Variants in USP6NL observed in about 807,000 individuals in gnomAD.
USP6NL encodes the protein USP6 N-terminal-like protein.
USP6NL carries 26 observed loss-of-function variants against 61.9 expected under a neutral mutation model. The ratio of observed to expected loss-of-function variants is 0.42; its 90% CI spans 0.31 to 0.58. The LOEUF (loss-of-function observed/expected upper bound fraction) is 0.58. Ranked by LOEUF, USP6NL falls within the 20% of genes least tolerant of loss-of-function variation. USP6NL has a pLI of 0.16. For missense variants in USP6NL, 1,114 were observed against 1,034.3 expected, an observed-to-expected ratio of 1.08 and a Z score of -1.06; for synonymous variants, 432 against 390.1, an observed-to-expected ratio of 1.11 and a Z score of -1.27.
In USP6NL at chr10:11,518,721, AATG is replaced by A. The variant is rs1257228262; in HGVS notation, c.156-150_156-148del. 5 of 634,124 alleles carry A rather than the reference AATG, an allele frequency of 7.9e-6. No homozygotes were observed. Among genetic ancestry groups the A allele is most frequent in the African/African-American group, 1.9e-5 (1 of 52,066 alleles). The allele number at this position is 634,124 out of a possible 1,614,324, so 39.3% of individuals were successfully genotyped here. On this transcript the variant is annotated intron_variant, in intron 4 of 14. Transcript: ENST00000609104. The surrounding 1 kb of genome is among the most constrained non-coding windows in gnomAD (Gnocchi z 5.3). ...CTTCCATTCATTGAATTCAATATGA[AATG>A]ATAGCTACTCTAGAACCACAGGGCC... is the stretch of plus-strand genomic sequence containing the variant.
chr10:11,578,411 T>C (rs527754451), intron 2 of USP6NL, among the ~76,000 whole-genome samples: 2 of 152,350 alleles, frequency 1.3e-5, no homozygotes, highest in African/African-American at 4.8e-5. Context: ...TTCTACTTTT[T>C]TAATTTTAAA....
chr10:11,501,288 T>C lies in USP6NL; in HGVS notation c.277-80A>G, dbSNP rs966152489. On this transcript the variant is annotated intron_variant, in intron 6 of 14. Coordinates refer to ENST00000609104, the MANE Select transcript of USP6NL (RefSeq NM_014688.5). Reference sequence around the variant, plus strand: ...TCTCTACAGTTAATCTTGCTAATATTTGTTAGCATTGTATTTTCAAAGCAT... The same window carrying C: ...TCTCTACAGTTAATCTTGCTAATATCTGTTAGCATTGTATTTTCAAAGCAT... 31 of 1,086,892 alleles carry C rather than the reference T, an allele frequency of 2.9e-5. No homozygotes were observed. The African/African-American group carries it at 3.7e-4, about 13-fold the overall frequency. 67.3% of individuals were successfully genotyped at this position (1,086,892 alleles called of 1,614,324 possible).
At chr10:11,544,426 G>A (rs1445949755) in intron 2 of USP6NL, among the ~76,000 whole-genome samples, 1 of 152,044 alleles carries the variant, frequency 6.6e-6, no homozygotes, top group Non-Finnish European at 1.5e-5. Flanking sequence ...CTGTCTTGAA[G>A]TCATTCAGTA....
chr10:11,573,070 A>G (rs1837418991), intron 2 of USP6NL, among the ~76,000 whole-genome samples: 1 of 152,196 alleles, frequency 6.6e-6, no homozygotes, highest in South Asian at 2.1e-4. Flanking sequence ...TTGACTAAAC[A>G]TATAATCATA....
Position 11,532,405 on chromosome 10 carries a change from T to C in USP6NL, c.5-4838A>G. On this transcript the variant is annotated intron_variant, in intron 2 of 14. Transcript: ENST00000609104. This position sits in a 1 kb window ranked among gnomAD's most constrained non-coding sequence, Gnocchi z 4.1. Reference sequence around the variant, plus strand: ...AAGCACAAGAAGAAAAAGTTTGAGATGCACTCTGTCTTCTTCTAAGGGAGA... The same window carrying C: ...AAGCACAAGAAGAAAAAGTTTGAGACGCACTCTGTCTTCTTCTAAGGGAGA... The C allele has an allele frequency of 1.8e-6, 1 of 543,202 alleles. No homozygotes were observed. Among genetic ancestry groups the C allele is most frequent in the Non-Finnish European group, 3.2e-6 (1 of 313,954 alleles). The allele number at this position is 543,202 out of a possible 1,614,324, so 33.6% of individuals were successfully genotyped here. A position where few individuals can be genotyped will look rare whatever the true frequency, so the allele number is the denominator to read the frequency against.
intron 4 of USP6NL, among the ~76,000 whole-genome samples, chr10:11,523,867 T>C (rs1291412263): frequency 6.6e-6 from 1 of 152,216 alleles, no homozygotes; most frequent in Admixed American, 6.5e-5. Context: ...CTCCTATCTT[T>C]TGAATCAAAA....
intron 2 of USP6NL, among the ~76,000 whole-genome samples, chr10:11,590,659 C>G (rs569503600): frequency 6.6e-6 from 1 of 151,992 alleles, no homozygotes; most frequent in Admixed American, 6.6e-5. Flanking sequence ...TCTAATAACA[C>G]AGATTCAAGA....
chr10:11,593,970 T>C (rs902159824), intron 2 of USP6NL, among the ~76,000 whole-genome samples: 12 of 152,244 alleles, frequency 7.9e-5, no homozygotes, highest in Non-Finnish European at 1.8e-4. Flanking sequence ...CAATCTTTCT[T>C]TTAATCTCCA....
intron 1 of USP6NL, among the ~76,000 whole-genome samples, chr10:11,606,795 C>CA (rs1564247019): frequency 2.1e-5 from 3 of 141,670 alleles, no homozygotes; most frequent in Non-Finnish European, 4.7e-5. Flanking sequence ...GAAATTTTTT[C>CA]TTTTTTTTTT....
rs1368885199 is a variant in USP6NL, at chr10:11,474,705, T to TA, written c.1078+7064_1078+7065insT. Among the ~76,000 whole-genome samples the TA allele has an allele frequency of 5.0e-4, 76 of 152,084 alleles. No homozygotes were observed. Among genetic ancestry groups the TA allele is most frequent in the South Asian group, 1.5e-3 (7 of 4,822 alleles). On this transcript the variant is annotated intron_variant, in intron 14 of 14. Transcript: ENST00000609104. This position sits in a 1 kb window ranked among gnomAD's most constrained non-coding sequence, Gnocchi z 4.9. ...TTTGTCCTTGAATTAATGATTTTTT[T>TA]TAAAAAAAACTTGCATCAACAAATG...
At chr10:11,599,805 A>T (rs939303570) in intron 1 of USP6NL, among the ~76,000 whole-genome samples, 1 of 145,548 alleles carries the variant, frequency 6.9e-6, no homozygotes, top group African/African-American at 2.6e-5. Flanking sequence ...GACTACAGGG[A>T]CCTGCCACCA....
intron 7 of USP6NL, among the ~76,000 whole-genome samples, chr10:11,493,710 T>A (rs1000389215): frequency 2.0e-5 from 3 of 152,268 alleles, no homozygotes; most frequent in Non-Finnish European, 4.4e-5. Flanking sequence ...GATGTTCCAG[T>A]AGAGTAGGTG....
At chr10:11,563,030 T>G (rs1271340624) in intron 2 of USP6NL, among the ~76,000 whole-genome samples, 2 of 151,934 alleles carry the variant, frequency 1.3e-5, no homozygotes, top group Admixed American at 6.6e-5. Context: ...ATAAAAAACT[T>G]GAAACAATCC....
rs1566104005 is a variant in USP6NL at position 11,460,656 on chromosome 10, A to ATATATATAT, written c.*1784_*1785insATATATATA. On this transcript the variant is annotated 3_prime_UTR_variant, in exon 15 of 15. Coordinates refer to ENST00000609104, the MANE Select transcript of USP6NL (RefSeq NM_014688.5). The stretch of plus-strand genomic sequence containing the variant: ...ATATATATATATATATATATATATA[A>ATATATATAT]AAATCTACAGTATTTACCACTGTTG... The ATATATATAT allele has an allele frequency of 3.4e-4, 39 of 113,666 alleles. 1 individual carries two copies. The highest frequency in any genetic ancestry group is 3.7e-4 in the Non-Finnish European group (20 of 54,226). 7.0% of individuals were successfully genotyped at this position (113,666 alleles called of 1,614,324 possible).
intron 1 of USP6NL, among the ~76,000 whole-genome samples, chr10:11,608,401 C>T (rs1838774853): frequency 6.6e-6 from 1 of 152,236 alleles, no homozygotes; most frequent in South Asian, 2.1e-4. Context: ...GCCTTCTCCA[C>T]ATAACCAACA....
In USP6NL at chr10:11,511,424, C is replaced by T. The variant is rs1379726749; in HGVS notation, c.196-1749G>A. Among the ~76,000 whole-genome samples, 2 of 152,174 alleles carry T rather than the reference C, an allele frequency of 1.3e-5. No individual in the cohort carries two copies. The highest frequency in any genetic ancestry group is 4.8e-5 in the African/African-American group (2 of 41,448). ...CAAGCTGTGAAAAATTAAGATTGAT[C>T]TAAATTGCCATTTGGTATTTTTTGT... On this transcript the variant is annotated intron_variant, in intron 5 of 14. Coordinates refer to ENST00000609104, the MANE Select transcript of USP6NL (RefSeq NM_014688.5). This position sits in a 1 kb window ranked among gnomAD's most constrained non-coding sequence, Gnocchi z 4.9.
Position 11,532,449 on chromosome 10 carries a change from TAC to T in USP6NL, c.5-4884_5-4883del, listed in dbSNP as rs894070435. On this transcript the variant is annotated intron_variant, in intron 2 of 14. Coordinates refer to ENST00000609104, the MANE Select transcript of USP6NL (RefSeq NM_014688.5). This position sits in a 1 kb window ranked among gnomAD's most constrained non-coding sequence, Gnocchi z 4.1. ...AGGGAGAAAAAAACCTTGCTGTGGT[TAC>T]ACAGACTATATATTTTCAAACAAAG... 2.6e-5 allele frequency among the ~76,000 whole-genome samples: 4 copies of T among 152,204 alleles called. No individual in the cohort carries two copies. Among genetic ancestry groups the T allele is most frequent in the African/African-American group, 9.7e-5 (4 of 41,444 alleles).
intron 1 of USP6NL, among the ~76,000 whole-genome samples, chr10:11,608,232 G>A (rs532170912): frequency 6.6e-6 from 1 of 152,300 alleles, no homozygotes; most frequent in African/African-American, 2.4e-5. Context: ...AAACTAACAA[G>A]TAATCCAATG....
Position 11,532,307 on chromosome 10 carries a change from T to C in USP6NL, c.5-4740A>G. On this transcript the variant is annotated intron_variant, in intron 2 of 14. Coordinates refer to ENST00000609104, the MANE Select transcript of USP6NL (RefSeq NM_014688.5). The surrounding 1 kb of genome is among the most constrained non-coding windows in gnomAD (Gnocchi z 4.1). ...ACACACCAAGAGTGCTGCCCGGCGG[T>C]ACCTCACACATTCTGCAACTAACTA... 1.6e-6 allele frequency: 2 copies of C among 1,275,450 alleles called. No homozygotes were observed. Among genetic ancestry groups the C allele is most frequent in the Non-Finnish European group, 2.2e-6 (2 of 925,654 alleles). The allele number at this position is 1,275,450 out of a possible 1,614,324, so 79.0% of individuals were successfully genotyped here.
Sources: allele counts gnomAD v4.1 joint callset (sites outside exome capture counted in the v4.1 genomes callset), GRCh38; gene constraint gnomAD v4.1.1; non-coding constraint Gnocchi (gnomAD v3.1); transcripts MANE v1.5; gene names NCBI Gene and HGNC (gene_info 2026-07-23, HGNC 2026-07-21).